The following GRIP2 variants were observed in gnomAD, a reference collection of about 807,000 sequenced individuals.
The protein encoded by GRIP2 is glutamate receptor-interacting protein 2.
A neutral mutation model predicts 108.3 loss-of-function variants in GRIP2; 58 were observed. The ratio of observed to expected loss-of-function variants is 0.54; its 90% CI spans 0.43 to 0.67. The LOEUF is 0.67. Ranked by LOEUF, GRIP2 falls within the 30% of genes least tolerant of loss-of-function variation. The pLI, the probability that GRIP2 is intolerant of heterozygous loss-of-function variation, is 0.00. For missense variants in GRIP2, 1,278 were observed against 1,430.6 expected (o/e 0.89, Z 1.72); for synonymous variants, 586 against 598.2 (o/e 0.98, Z 0.30).
At chr3:14,587,162 T>C in the GRIP2 span, among the ~76,000 whole-genome samples, 1 of 152,248 alleles carries the variant, frequency 6.6e-6, no homozygotes, top group East Asian at 1.9e-4. Flanking sequence ...CAGAGAAATG[T>C]GTCCATATCA....
chr3:14,547,296 T>G (rs1253729246), intron 1 of GRIP2, among the ~76,000 whole-genome samples: 1 of 152,170 alleles, frequency 6.6e-6, no homozygotes, highest in Non-Finnish European at 1.5e-5. Flanking sequence ...TAAAGCACTA[T>G]CTATGCTGCA....
chr3:14,512,288 C>T lies in GRIP2; in HGVS notation c.1720+489G>A, dbSNP rs751037741. ...GGGCCTCACTGGGGCCCGAGGCCCT[C>T]AGCTTTTACTCAGAATAAGATGGGA... On this transcript the variant is annotated intron_variant, in intron 14 of 23. Coordinates refer to ENST00000621039, the MANE Select transcript of GRIP2 (RefSeq NM_001080423.4). This position sits in a 1 kb window ranked among gnomAD's most constrained non-coding sequence, Gnocchi z 5.1. Among the ~76,000 whole-genome samples the T allele has an allele frequency of 2.0e-5, 3 of 152,158 alleles. No homozygotes were observed. Among genetic ancestry groups the T allele is most frequent in the Non-Finnish European group, 4.4e-5 (3 of 68,020 alleles).
chr3:14,520,593 A>T, intron 7 of GRIP2, 56 bp from the exon 8 acceptor site: 1 of 1,581,772 alleles, frequency 6.3e-7, no homozygotes, highest in Non-Finnish European at 8.7e-7. Flanking sequence ...TTTCCTCCCC[A>T]GCCTCACCCT....
At position 14,511,403 on chromosome 3, in the gene GRIP2, G is replaced by C. The variant is rs779623349; in HGVS notation, c.1787+10C>G. The C allele has an allele frequency of 7.4e-6, 12 of 1,614,014 alleles. No homozygotes were observed. Among genetic ancestry groups the C allele is most frequent in the Non-Finnish European group, 1.0e-5 (12 of 1,179,892 alleles). ...TGGCCACTTCCCTTCCTGTGCCCCAGTGCCCCTACCTGTGTGCCACGCTGC... is the reference window on the plus strand; with the variant it reads ...TGGCCACTTCCCTTCCTGTGCCCCACTGCCCCTACCTGTGTGCCACGCTGC... On this transcript the variant is annotated intron_variant, in intron 15 of 23. Transcript: ENST00000621039. This position sits in a 1 kb window ranked among gnomAD's most constrained non-coding sequence, Gnocchi z 4.1.
At chr3:14,568,038 A>G in the GRIP2 span, among the ~76,000 whole-genome samples, 20,491 of 152,214 alleles carry the variant, frequency 0.13, 1,457 homozygotes, top group South Asian at 0.2. Flanking sequence ...GCCAGGGCTG[A>G]AGCTGAGTGA....
upstream of GRIP2, chr3:14,542,222 C>G: frequency 2.4e-6 from 1 of 414,096 alleles, no homozygotes; most frequent in Non-Finnish European, 4.2e-6. Flanking sequence ...GTGGCGCAGT[C>G]TCCACTCACT....
chr3:14,574,555 C>A, the GRIP2 span: 1 of 741,468 alleles, frequency 1.3e-6, no homozygotes, highest in South Asian at 1.4e-5. Context: ...TTGAGTGCTG[C>A]CTCTGATGGG....
Position 14,521,890 on chromosome 3 carries a change from G to T in GRIP2, c.567-103C>A. The T allele has an allele frequency of 1.8e-5, 16 of 904,458 alleles. No individual in the cohort carries two copies. The highest frequency in any genetic ancestry group is 2.2e-5 in the Non-Finnish European group (14 of 650,968). The allele number at this position is 904,458 out of a possible 1,614,324, so 56.0% of individuals were successfully genotyped here. On this transcript the variant is annotated intron_variant, in intron 6 of 23. Transcript: ENST00000621039. The surrounding 1 kb of genome is among the most constrained non-coding windows in gnomAD (Gnocchi z 5.1). Reference sequence around the variant, plus strand: ...GGGACATGGAGGATGAAGAAGCAGGGAATGGGTGGGGGAGGAAGGGGAGGA... The same window carrying T: ...GGGACATGGAGGATGAAGAAGCAGGTAATGGGTGGGGGAGGAAGGGGAGGA...
In GRIP2 at chr3:14,503,600, G is replaced by T; in HGVS notation, c.2645C>A (p.Ser882Ter). The change falls in exon 21 of 24, where the codon TCA becomes TAA. Residue 882 changes from serine to a stop codon, truncating the protein, a stop_gained. Transcript: ENST00000621039. LOFTEE classifies it high-confidence loss of function. ...CCTCAGCAGCTCTGACTGACCACAT[G>T]ACTCCAGGTCTTCGAGAGCTTCTCC... ...MFGEALEDLE[S>*]CGQSELLREL... The T allele has an allele frequency of 6.2e-7, 1 of 1,611,570 alleles. No individual in the cohort carries two copies. Among genetic ancestry groups the T allele is most frequent in the Non-Finnish European group, 8.5e-7 (1 of 1,179,092 alleles).
the GRIP2 span, among the ~76,000 whole-genome samples, chr3:14,584,766 G>A: frequency 6.6e-6 from 1 of 152,162 alleles, no homozygotes; most frequent in Non-Finnish European, 1.5e-5. Context: ...CCAGAGTACT[G>A]AGCCTGGATC....
the GRIP2 span, among the ~76,000 whole-genome samples, chr3:14,561,306 C>T: frequency 1.3e-3 from 194 of 152,364 alleles, no homozygotes; most frequent in African/African-American, 4.5e-3. Flanking sequence ...ATTCAGGCCC[C>T]AGCCAGTGTG....
At chr3:14,581,612 C>T in the GRIP2 span, among the ~76,000 whole-genome samples, 1 of 152,214 alleles carries the variant, frequency 6.6e-6, no homozygotes. Context: ...TCTTTGTCCA[C>T]TGGAAGGTAG....
rs1286851360 is a variant in GRIP2 at position 14,489,880 on chromosome 3, T to C, written c.*3785A>G. The C allele has an allele frequency of 6.6e-6, 1 of 152,032 alleles. No homozygotes were observed. Among genetic ancestry groups the C allele is most frequent in the African/African-American group, 2.4e-5 (1 of 41,388 alleles). 9.4% of individuals were successfully genotyped at this position (152,032 alleles called of 1,614,324 possible). On this transcript the variant is annotated 3_prime_UTR_variant, in exon 24 of 24. Coordinates refer to ENST00000621039, the MANE Select transcript of GRIP2 (RefSeq NM_001080423.4). ...CTTCTCCCACTCCCCCACCGTCAGG[T>C]GCAGGCGCTCATTAATACCCAGTTA...
the GRIP2 span, among the ~76,000 whole-genome samples, chr3:14,565,022 C>G: frequency 1.4e-4 from 22 of 152,234 alleles, no homozygotes; most frequent in Non-Finnish European, 2.5e-4. Flanking sequence ...GCACAGCCCA[C>G]AGCCGGGCAC....
intron 20 of GRIP2, chr3:14,503,880 G>A (rs1027979694): frequency 3.3e-5 from 19 of 583,198 alleles, no homozygotes; most frequent in African/African-American, 2.2e-4. Context: ...CGCAGTTAGG[G>A]GCGACCAGGA....
At chr3:14,504,144 C>T (rs898001690) in intron 20 of GRIP2, among the ~76,000 whole-genome samples, 1 of 152,094 alleles carries the variant, frequency 6.6e-6, no homozygotes. Context: ...GGGGTCGAGA[C>T]CACCCATAAC....
At chr3:14,580,439 T>C in the GRIP2 span, among the ~76,000 whole-genome samples, 12 of 152,348 alleles carry the variant, frequency 7.9e-5, 2 homozygotes, top group East Asian at 2.3e-3. Flanking sequence ...TGCACACTTG[T>C]ATTCCCAGCA....
In GRIP2 at chr3:14,493,844, A is replaced by C. The variant is rs757111728; in HGVS notation, c.2971-18T>G. ...TGGTTGACCTGCATGGGGCACAAGC[A>C]AGGGAACAGAACCGAGATGTCAGCC... On this transcript the variant is annotated intron_variant, in intron 23 of 23. Transcript: ENST00000621039. The C allele has an allele frequency of 1.2e-6, 2 of 1,603,742 alleles. No homozygotes were observed. Among genetic ancestry groups the C allele is most frequent in the East Asian group, 4.5e-5 (2 of 44,576 alleles).
chr3:14,583,575 C>A, the GRIP2 span, among the ~76,000 whole-genome samples: 12 of 152,164 alleles, frequency 7.9e-5, no homozygotes, highest in Non-Finnish European at 1.8e-4. Context: ...AGAGGGAAAG[C>A]CCAGCGCCTC....
Sources: allele counts gnomAD v4.1 joint callset (sites outside exome capture counted in the v4.1 genomes callset), GRCh38; gene constraint gnomAD v4.1.1; non-coding constraint Gnocchi (gnomAD v3.1); transcripts MANE v1.5; gene names NCBI Gene and HGNC (gene_info 2026-07-23, HGNC 2026-07-21).